The following FAM83B variants were observed in gnomAD, a reference collection of about 807,000 sequenced individuals.
The protein encoded by FAM83B is protein FAM83B.
FAM83B carries 26 observed loss-of-function variants against 38.8 expected under a neutral mutation model. The observed-to-expected ratio is 0.67, with a 90% CI of 0.49 to 0.93. The LOEUF is 0.93. Ranked by LOEUF, FAM83B falls within the 40% of genes least tolerant of loss-of-function variation. The probability of loss-of-function intolerance (pLI) is 0.00; values close to 1 mark genes in which losing one functional copy is unlikely to be tolerated. For missense variants in FAM83B, 1,237 were observed against 1,197.3 expected (o/e 1.03, Z -0.49); for synonymous variants, 419 against 423.1 (o/e 0.99, Z 0.12).
chr6:54,928,496 T>C (rs1378061703), intron 4 of FAM83B, among the ~76,000 whole-genome samples: 2 of 152,188 alleles, frequency 1.3e-5, no homozygotes, highest in Non-Finnish European at 2.9e-5. Context: ...CCCAAACCCC[T>C]AATGTTAACT....
intron 2 of FAM83B, among the ~76,000 whole-genome samples, chr6:54,914,052 A>G (rs1471452328): frequency 6.6e-6 from 1 of 152,134 alleles, no homozygotes; most frequent in African/African-American, 2.4e-5. Flanking sequence ...GTTGAAATCC[A>G]AACAAGATCT....
chr6:54,932,368 C>T (rs1419905894), intron 4 of FAM83B, among the ~76,000 whole-genome samples: 1 of 152,140 alleles, frequency 6.6e-6, no homozygotes, highest in African/African-American at 2.4e-5. Flanking sequence ...ACTTCAATCA[C>T]ATATGAAAAC....
chr6:54,884,898 G>A (rs1440014142), intron 2 of FAM83B, among the ~76,000 whole-genome samples: 3 of 151,398 alleles, frequency 2.0e-5, no homozygotes, highest in Non-Finnish European at 4.4e-5. Context: ...TCAGCCTCTC[G>A]AGTAGCTGGG....
In FAM83B at chr6:54,941,455, T is replaced by C. The variant is rs1756141005; in HGVS notation, c.2484T>C (p.Pro828=). The C allele has an allele frequency of 6.2e-7, 1 of 1,613,436 alleles. No individual in the cohort carries two copies. The highest frequency in any genetic ancestry group is 8.5e-7 in the Non-Finnish European group (1 of 1,179,872). ...KKSDTKVDSS[P]RRKHSSSSNS... ...CAGACACAAAAGTTGATTCATCTCC[T>C]AGAAGAAAGCATTCTTCCTCATCGA... The change falls in exon 5 of 5, where the codon CCT becomes CCC. Residue 828 remains proline (P), a synonymous_variant. Transcript: ENST00000306858.
intron 1 of FAM83B, among the ~76,000 whole-genome samples, chr6:54,863,819 G>T (rs994149171): frequency 6.6e-6 from 1 of 152,094 alleles, no homozygotes; most frequent in East Asian, 1.9e-4. Context: ...TAACATGTAT[G>T]TTTTTTGTTG....
In FAM83B at chr6:54,921,158, C is replaced by T. The variant is rs185873028; in HGVS notation, c.445-5213C>T. ...TTATTTACTGCTTATCCATGAAGAC[C>T]TGTTGTCTCTTTCATTCTACTGTAT... On this transcript the variant is annotated intron_variant, in intron 2 of 4. Coordinates refer to ENST00000306858, the MANE Select transcript of FAM83B (RefSeq NM_001010872.3). Among the ~76,000 whole-genome samples the T allele has an allele frequency of 3.6e-4, 54 of 151,980 alleles. 4 individuals carry two copies. Among genetic ancestry groups the T allele is most frequent in the African/African-American group, 1.3e-3 (53 of 41,528 alleles).
Position 54,851,647 on chromosome 6 carries a change from G to GTTT in FAM83B, c.-61+4837_-61+4839dup, listed in dbSNP as rs577598548. Among the ~76,000 whole-genome samples, 38 of 86,964 alleles carry GTTT rather than the reference G, an allele frequency of 4.4e-4. 1 individual carries two copies. The highest frequency in any genetic ancestry group is 8.4e-4 in the African/African-American group (18 of 21,394). 57.1% of individuals were successfully genotyped at this position (86,964 alleles called of 152,430 possible). A position where few individuals can be genotyped will look rare whatever the true frequency, so the allele number is the denominator to read the frequency against. ...GCTACCATGCCCGGCTAATTTTTGT[G>GTTT]TTTTTTTTTTTTTTTTTTGAGACGG... On this transcript the variant is annotated intron_variant, in intron 1 of 4. Transcript: ENST00000306858.
Position 54,940,058 on chromosome 6 carries a change from G to C in FAM83B, c.1087G>C (p.Val363Leu). The stretch of plus-strand genomic sequence containing the variant: ...AAGTCACGGATACAAACCTCATTTT[G>C]TTCCTAACTTTAATGGTCCAAACGC... Reference protein sequence around the residue: ...IRSHGYKPHFVPNFNGPNAIR... With the variant: ...IRSHGYKPHFLPNFNGPNAIR... The change falls in exon 5 of 5, where the codon GTT becomes CTT. Residue 363 changes from valine to leucine, a missense_variant. Coordinates refer to ENST00000306858, the MANE Select transcript of FAM83B (RefSeq NM_001010872.3). 4 of 1,613,934 alleles carry C rather than the reference G, an allele frequency of 2.5e-6. No individual in the cohort carries two copies. The highest frequency in any genetic ancestry group is 3.4e-6 in the Non-Finnish European group (4 of 1,179,950).
At chr6:54,907,629 A>T (rs79379293) in intron 2 of FAM83B, among the ~76,000 whole-genome samples, 3 of 150,632 alleles carry the variant, frequency 2.0e-5, no homozygotes, top group Non-Finnish European at 3.0e-5. Context: ...TTTTATGAAG[A>T]TTTTTTTTTA....
At chr6:54,927,035 C>T (rs1181771242) in intron 3 of FAM83B, among the ~76,000 whole-genome samples, 4 of 152,014 alleles carry the variant, frequency 2.6e-5, no homozygotes, top group Admixed American at 2.6e-4. Context: ...GCCCGGCCTT[C>T]ATGAGGGTTT....
intron 4 of FAM83B, among the ~76,000 whole-genome samples, chr6:54,929,079 A>T (rs1390231588): frequency 6.6e-6 from 1 of 152,000 alleles, no homozygotes; most frequent in Non-Finnish European, 1.5e-5. Flanking sequence ...CTTAACTAAC[A>T]CTCTATTCTC....
chr6:54,928,286 G>A (rs1773350406), intron 4 of FAM83B, among the ~76,000 whole-genome samples: 1 of 152,154 alleles, frequency 6.6e-6, no homozygotes, highest in Non-Finnish European at 1.5e-5. Flanking sequence ...GAAGAGCTAT[G>A]GATGTGAACA....
At position 54,941,106 on chromosome 6, in the gene FAM83B, A is replaced by G. The variant is rs149117195; in HGVS notation, c.2135A>G (p.Asn712Ser). The change falls in exon 5 of 5, where the codon AAT (asparagine) becomes AGT (serine). Residue 712 changes from asparagine to serine, a missense_variant. Physicochemically the swap from Asn to Ser is conservative, Grantham distance 46. Coordinates refer to ENST00000306858, the MANE Select transcript of FAM83B (RefSeq NM_001010872.3). Reference protein sequence around the residue: ...DLLKSSKSMHNVTHNLEEDEE... With the variant: ...DLLKSSKSMHSVTHNLEEDEE... ...CTGAAAAGTTCTAAAAGCATGCACA[A>G]TGTGACTCATAACTTGGAGGAGGAT... 3.7e-6 allele frequency: 6 copies of G among 1,613,628 alleles called. No homozygotes were observed. The highest frequency in any genetic ancestry group is 1.1e-5 in the South Asian group (1 of 90,976).
intron 1 of FAM83B, among the ~76,000 whole-genome samples, chr6:54,857,240 G>A (rs796260253): frequency 2.0e-5 from 3 of 152,236 alleles, no homozygotes; most frequent in African/African-American, 7.2e-5. Context: ...TTTTCCTACA[G>A]CATTTACTCT....
At chr6:54,857,032 T>G (rs539253119) in intron 1 of FAM83B, among the ~76,000 whole-genome samples, 3 of 152,376 alleles carry the variant, frequency 2.0e-5, no homozygotes, top group African/African-American at 7.2e-5. Flanking sequence ...CGTCTGAGAC[T>G]GCTTTTCTGC....
At chr6:54,936,126 A>G (rs556573610) in intron 4 of FAM83B, among the ~76,000 whole-genome samples, 23 of 152,266 alleles carry the variant, frequency 1.5e-4, no homozygotes, top group African/African-American at 5.3e-4. Flanking sequence ...TACAGAGATC[A>G]TTTCCAAGCC....
intron 1 of FAM83B, among the ~76,000 whole-genome samples, chr6:54,863,871 A>G (rs1210250080): frequency 6.6e-6 from 1 of 152,214 alleles, no homozygotes; most frequent in Non-Finnish European, 1.5e-5. Flanking sequence ...TTATTCATCC[A>G]AATGATTACT....
intron 2 of FAM83B, among the ~76,000 whole-genome samples, chr6:54,922,592 T>A (rs1773195554): frequency 6.6e-6 from 1 of 151,994 alleles, no homozygotes; most frequent in South Asian, 2.1e-4. Context: ...TGGCTCCTCA[T>A]ACCATTTATA....
At chr6:54,891,147 G>T (rs1772392596) in intron 2 of FAM83B, among the ~76,000 whole-genome samples, 1 of 151,922 alleles carries the variant, frequency 6.6e-6, no homozygotes, top group African/African-American at 2.4e-5. Context: ...TTAAACATTT[G>T]AAAGAAGTAG....
Sources: allele counts gnomAD v4.1 joint callset (sites outside exome capture counted in the v4.1 genomes callset), GRCh38; gene constraint gnomAD v4.1.1; transcripts MANE v1.5; gene names NCBI Gene and HGNC (gene_info 2026-07-23, HGNC 2026-07-21).